PCDH11Y: variants seen among roughly 807,000 people sequenced by gnomAD.
PCDH11Y encodes the protein protocadherin-11 Y-linked.
For missense variants in PCDH11Y, 12 were observed against 224.8 expected (o/e 0.05, Z 6.05); for synonymous variants, 9 against 83.6 (o/e 0.11, Z 4.87).
At chrY:5,372,187 TG>T (rs2053187997) in intron 2 of PCDH11Y, among the ~76,000 whole-genome samples, 1 of 32,614 alleles carries the variant, frequency 3.1e-5, no homozygotes, top group African/African-American at 1.2e-4. Context: ...TTCTCTTATT[TG>T]ATCACAATCT....
intron 3 of PCDH11Y, among the ~76,000 whole-genome samples, chrY:5,523,200 G>A: frequency 2.1e-4 from 7 of 33,555 alleles, no homozygotes; most frequent in Admixed American, 1.9e-3. Flanking sequence ...ATGCTTTGAA[G>A]TGTGAAATAT....
intron 2 of PCDH11Y, among the ~76,000 whole-genome samples, chrY:5,209,859 A>G: frequency 3.0e-5 from 1 of 33,252 alleles, no homozygotes; most frequent in Non-Finnish European, 7.4e-5. Flanking sequence ...TCACAAGGTC[A>G]GGGTTTCGAG....
intron 2 of PCDH11Y, among the ~76,000 whole-genome samples, chrY:5,122,238 T>C: frequency 3.0e-5 from 1 of 33,240 alleles, no homozygotes; most frequent in African/African-American, 1.2e-4. Context: ...ACCTCCATTG[T>C]GGAGTAGTAG....
In PCDH11Y at chrY:5,566,040, C is replaced by T. The variant is rs2124695805; in HGVS notation, c.3329-15735C>T. 2.2e-4 allele frequency among the ~76,000 whole-genome samples: 5 copies of T among 22,949 alleles called. No homozygotes were observed. In the South Asian group the frequency reaches 5.4e-3, roughly 25 times the overall value. The allele number at this position is 22,949 out of a possible 37,273, so 61.6% of individuals were successfully genotyped here. On this transcript the variant is annotated intron_variant, in intron 3 of 4. Transcript: ENST00000400457. ...CCAGGCTGGAGTGCAGTGCCGTGATCTCTGCTCACTGCAACCTCCACCTCC... is the reference window on the plus strand; with the variant it reads ...CCAGGCTGGAGTGCAGTGCCGTGATTTCTGCTCACTGCAACCTCCACCTCC...
chrY:5,025,694 G>A, intron 1 of PCDH11Y, among the ~76,000 whole-genome samples: 8 of 31,922 alleles, frequency 2.5e-4, no homozygotes, highest in African/African-American at 1.2e-4. Flanking sequence ...ATTTTTTTTT[G>A]TCAGTGAGAA....
At position 5,126,771 on chromosome Y, in the gene PCDH11Y, A is replaced by G. The variant is rs2052826080; in HGVS notation, c.3129+26064A>G. ...TCTGTGTGCTCATTTTTATTTTATT[A>G]AATACTCTTCTCAAATAGGATGTTT... On this transcript the variant is annotated intron_variant, in intron 2 of 4. Transcript: ENST00000400457. Among the ~76,000 whole-genome samples, 3 of 32,936 alleles carry G rather than the reference A, an allele frequency of 9.1e-5. No homozygotes were observed. In the East Asian group the frequency reaches 2.4e-3, roughly 26 times the overall value. The allele number at this position is 32,936 out of a possible 37,273, so 88.4% of individuals were successfully genotyped here.
At chrY:5,075,977 G>T in intron 1 of PCDH11Y, among the ~76,000 whole-genome samples, 1 of 33,635 alleles carries the variant, frequency 3.0e-5, no homozygotes, top group South Asian at 6.5e-4. Context: ...AGTTTTTTGA[G>T]GAACCTCCAA....
chrY:5,722,276 AAG>A (rs2053595340), intron 4 of PCDH11Y, among the ~76,000 whole-genome samples: 1 of 30,439 alleles, frequency 3.3e-5, no homozygotes, highest in Non-Finnish European at 8.1e-5. Context: ...TCTAAAGAAA[AAG>A]AGAGAAAAAA....
chrY:5,170,372 T>G, intron 2 of PCDH11Y, among the ~76,000 whole-genome samples: 2 of 30,699 alleles, frequency 6.5e-5, no homozygotes, highest in African/African-American at 2.5e-4. Flanking sequence ...TTAAAAATCC[T>G]GAAGATACAA....
chrY:5,106,257 GAATTTT>G (rs2052792039), downstream of PCDH11Y, among the ~76,000 whole-genome samples: 7 of 31,096 alleles, frequency 2.3e-4, no homozygotes, highest in Admixed American at 2.1e-3. Context: ...TATGCTTCCT[GAATTTT>G]AATTCAAATG....
At chrY:5,185,558 A>G in intron 2 of PCDH11Y, among the ~76,000 whole-genome samples, 1 of 30,724 alleles carries the variant, frequency 3.3e-5, no homozygotes, top group Non-Finnish European at 7.8e-5. Context: ...GACTCTATAC[A>G]TGTGGATTTA....
At chrY:5,562,738 G>A in intron 3 of PCDH11Y, among the ~76,000 whole-genome samples, 1 of 21,843 alleles carries the variant, frequency 4.6e-5, no homozygotes, top group Non-Finnish European at 1.0e-4. Flanking sequence ...TCCGCAGTCC[G>A]GCCTGGGCGA....
chrY:5,197,503 C>A, intron 2 of PCDH11Y, among the ~76,000 whole-genome samples: 1 of 31,433 alleles, frequency 3.2e-5, no homozygotes, highest in South Asian at 7.7e-4. Context: ...GACTATAAAT[C>A]ATGCTGCTAT....
rs1456770659 is a variant in PCDH11Y, at chrY:5,278,339, C to T, written c.3129+177632C>T. ...CTAATTTTTGTATTTTTAGTAGAGA[C>T]GGCGTTTCACCATCTTGGCCAGGCT... On this transcript the variant is annotated intron_variant, in intron 2 of 4. Coordinates refer to the PCDH11Y transcript ENST00000400457. Among the ~76,000 whole-genome samples, 279 of 31,410 alleles carry T rather than the reference C, an allele frequency of 8.9e-3. No homozygotes were observed. The East Asian group carries it at 0.15, about 16-fold the overall frequency. The allele number at this position is 31,410 out of a possible 37,273, so 84.3% of individuals were successfully genotyped here. A position where few individuals can be genotyped will look rare whatever the true frequency, so the allele number is the denominator to read the frequency against.
chrY:5,021,274 T>A, intron 1 of PCDH11Y, among the ~76,000 whole-genome samples: 1 of 33,099 alleles, frequency 3.0e-5, no homozygotes, highest in Non-Finnish European at 7.5e-5. Context: ...CTGTAATTGA[T>A]CCCAGCACTT....
At chrY:5,364,788 A>G (rs373819329) in intron 2 of PCDH11Y, among the ~76,000 whole-genome samples, 272 of 33,051 alleles carry the variant, frequency 8.2e-3, no homozygotes, top group South Asian at 0.037. Flanking sequence ...ATACATATAT[A>G]TGTATTTTAT....
intron 2 of PCDH11Y, among the ~76,000 whole-genome samples, chrY:5,182,959 C>T: frequency 3.0e-5 from 1 of 33,649 alleles, no homozygotes; most frequent in Non-Finnish European, 7.4e-5. Context: ...CTGCTTGGCT[C>T]ACTGGATTCA....
chrY:5,343,758 A>G (rs77008383), intron 2 of PCDH11Y, among the ~76,000 whole-genome samples: 58 of 30,812 alleles, frequency 1.9e-3, no homozygotes, highest in Non-Finnish European at 3.3e-3. Context: ...AGCTGGGACT[A>G]CAGGGATGCA....
At chrY:5,545,076 A>G in intron 3 of PCDH11Y, among the ~76,000 whole-genome samples, 1 of 32,394 alleles carries the variant, frequency 3.1e-5, no homozygotes, top group Non-Finnish European at 7.7e-5. Context: ...TAATTTTTAC[A>G]TATTTTAGTA....
Sources: allele counts gnomAD v4.1 joint callset (sites outside exome capture counted in the v4.1 genomes callset), GRCh38; gene constraint gnomAD v4.1.1; transcripts MANE v1.5; gene names NCBI Gene and HGNC (gene_info 2026-07-23, HGNC 2026-07-21).